The following PIP4K2A variants were observed in gnomAD, a reference collection of about 807,000 sequenced individuals.
PIP4K2A encodes phosphatidylinositol-5-phosphate 4-kinase type 2 alpha.
A neutral mutation model predicts 42.9 loss-of-function variants in PIP4K2A; 14 were observed. The ratio of observed to expected loss-of-function variants is 0.33; its 90% confidence interval spans 0.22 to 0.51. The LOEUF (loss-of-function observed/expected upper bound fraction) is 0.51. PIP4K2A is among the 20% of genes least tolerant of loss of function. PIP4K2A has a pLI of 0.97. For missense variants in PIP4K2A, 434 were observed against 519.8 expected (o/e 0.83, Z 1.61); for synonymous variants, 192 against 192.2 (o/e 1.00, Z 0.01).
intron 6 of PIP4K2A, among the ~76,000 whole-genome samples, chr10:22,559,097 G>A (rs1025465460): frequency 9.9e-5 from 15 of 152,242 alleles, no homozygotes; most frequent in African/African-American, 3.4e-4. Context: ...ATTCTGGTGC[G>A]CAGATATCTA....
intron 1 of PIP4K2A, among the ~76,000 whole-genome samples, chr10:22,690,650 A>C (rs1839849992): frequency 6.6e-6 from 1 of 152,212 alleles, no homozygotes; most frequent in African/African-American, 2.4e-5. Context: ...ATGAGTGCAC[A>C]TGGACTGACA....
intron 6 of PIP4K2A, among the ~76,000 whole-genome samples, chr10:22,558,180 T>C (rs1482908973): frequency 1.3e-5 from 2 of 152,206 alleles, no homozygotes; most frequent in African/African-American, 2.4e-5. Context: ...GTAGTAATTA[T>C]TGTTTTATGT....
At chr10:22,706,805 T>C (rs1338774458) in intron 1 of PIP4K2A, among the ~76,000 whole-genome samples, 5 of 151,972 alleles carry the variant, frequency 3.3e-5, no homozygotes, top group Admixed American at 3.3e-4. Context: ...AGAAAGAACA[T>C]AACAAAATAG....
chr10:22,695,079 T>G (rs190552342), intron 1 of PIP4K2A, among the ~76,000 whole-genome samples: 42 of 152,312 alleles, frequency 2.8e-4, no homozygotes, highest in African/African-American at 9.9e-4. Flanking sequence ...GACCTTCAAA[T>G]TGCTTTATCA....
At chr10:22,713,117 C>T (rs57546552) in intron 1 of PIP4K2A, among the ~76,000 whole-genome samples, 318 of 152,322 alleles carry the variant, frequency 2.1e-3, no homozygotes, top group African/African-American at 7.1e-3. Context: ...CTCGTTTAAA[C>T]TTTCCTGGCT....
Position 22,632,063 on chromosome 10 carries a change from A to G in PIP4K2A, c.145-22346T>C, listed in dbSNP as rs75307084. 8.1e-3 allele frequency among the ~76,000 whole-genome samples: 1,213 copies of G among 150,546 alleles called. 16 individuals carry two copies. The highest frequency in any genetic ancestry group is 0.066 in the East Asian group (338 of 5,104). On this transcript the variant is annotated intron_variant, in intron 1 of 9. Coordinates refer to ENST00000376573, the MANE Select transcript of PIP4K2A (RefSeq NM_005028.5). ...CATTAGGAAGCAAGCTCTCGGTGAG[A>G]GCCATTCTACAAAATAACCAGTCTT...
intron 4 of PIP4K2A, among the ~76,000 whole-genome samples, chr10:22,591,426 G>C (rs142484890): frequency 9.6e-4 from 146 of 152,224 alleles, no homozygotes; most frequent in Admixed American, 1.6e-3. Context: ...AATAATGAAT[G>C]ACCTTTATAG....
At chr10:22,703,395 C>A (rs967979949) in intron 1 of PIP4K2A, among the ~76,000 whole-genome samples, 2 of 152,004 alleles carry the variant, frequency 1.3e-5, no homozygotes, top group Non-Finnish European at 2.9e-5. Context: ...GGTAACAGAG[C>A]GAGACCTTGT....
chr10:22,609,407 T>C (rs1837981930), intron 2 of PIP4K2A, among the ~76,000 whole-genome samples: 2 of 152,260 alleles, frequency 1.3e-5, no homozygotes, highest in Non-Finnish European at 2.9e-5. Context: ...AAGATATTCA[T>C]AGAGAACAAT....
chr10:22,643,617 G>C (rs976791281), intron 1 of PIP4K2A, among the ~76,000 whole-genome samples: 6 of 152,196 alleles, frequency 3.9e-5, no homozygotes, highest in Middle Eastern at 3.4e-3. Context: ...GGCTCTCCAA[G>C]AGTCATAATT....
At chr10:22,582,669 C>G (rs945461050) in intron 4 of PIP4K2A, among the ~76,000 whole-genome samples, 13 of 150,244 alleles carry the variant, frequency 8.7e-5, no homozygotes, top group African/African-American at 3.2e-4. Flanking sequence ...ATTATTCCTA[C>G]AATATACTTC....
chr10:22,710,983 TATC>T (rs1290766811), intron 1 of PIP4K2A, among the ~76,000 whole-genome samples: 4 of 152,224 alleles, frequency 2.6e-5, no homozygotes, highest in African/African-American at 9.6e-5. Context: ...ACTATTAAAA[TATC>T]ATCTTAAGAC....
chr10:22,593,820 A>G (rs1837565420), intron 3 of PIP4K2A, among the ~76,000 whole-genome samples: 1 of 152,230 alleles, frequency 6.6e-6, no homozygotes, highest in African/African-American at 2.4e-5. Flanking sequence ...ACAGACCTTA[A>G]ACTCTGTCAA....
intron 1 of PIP4K2A, among the ~76,000 whole-genome samples, chr10:22,706,453 T>A (rs938606230): frequency 6.6e-6 from 1 of 152,184 alleles, no homozygotes; most frequent in Non-Finnish European, 1.5e-5. Context: ...CCTGAAATGC[T>A]CTTCTCCCAA....
intron 1 of PIP4K2A, among the ~76,000 whole-genome samples, chr10:22,627,283 T>C (rs1231202387): frequency 6.6e-6 from 1 of 152,108 alleles, no homozygotes; most frequent in Non-Finnish European, 1.5e-5. Context: ...TTCTGAATCA[T>C]TTGAGGCTAA....
At chr10:22,636,801 T>C (rs1838675407) in intron 1 of PIP4K2A, among the ~76,000 whole-genome samples, 1 of 152,180 alleles carries the variant, frequency 6.6e-6, no homozygotes. Context: ...ACAGTGACTC[T>C]GGTACTGGCC....
intron 1 of PIP4K2A, chr10:22,713,947 A>G (rs1184387112): frequency 8.0e-6 from 3 of 376,772 alleles, no homozygotes; most frequent in Non-Finnish European, 1.4e-5. Flanking sequence ...TGCACACGGG[A>G]CCCCCGACCC....
chr10:22,540,709 C>G (rs1836082560), intron 8 of PIP4K2A, among the ~76,000 whole-genome samples: 2 of 152,148 alleles, frequency 1.3e-5, no homozygotes, highest in Non-Finnish European at 2.9e-5. Context: ...GCATGCATCA[C>G]TATGCCCAGC....
At chr10:22,544,829 C>T (rs764656952) in intron 7 of PIP4K2A, among the ~76,000 whole-genome samples, 12 of 152,340 alleles carry the variant, frequency 7.9e-5, no homozygotes, top group South Asian at 2.1e-4. Context: ...GCTCTGCCCA[C>T]TTCCTGGGCT....
Sources: allele counts gnomAD v4.1 joint callset (sites outside exome capture counted in the v4.1 genomes callset), GRCh38; gene constraint gnomAD v4.1.1; transcripts MANE v1.5; gene names NCBI Gene and HGNC (gene_info 2026-07-23, HGNC 2026-07-21).